The following GALNT12 variants were observed in gnomAD, a reference collection of about 807,000 sequenced individuals.
The protein encoded by GALNT12 is polypeptide N-acetylgalactosaminyltransferase 12, also known as UDP-GalNAc:polypeptide N-acetylgalactosaminyltransferase 12.
GALNT12 carries 45 observed loss-of-function variants against 55.5 expected under a neutral mutation model. The observed-to-expected ratio is 0.81, with a 90% confidence interval of 0.64 to 1.04. The LOEUF (loss-of-function observed/expected upper bound fraction) is 1.04. Among genes scored for constraint, GALNT12 ranks in the 50% least tolerant of loss-of-function variants. The pLI, the probability that GALNT12 is intolerant of heterozygous loss-of-function variation, is 0.00. For synonymous variants in GALNT12, 304 were observed against 312.2 expected (o/e 0.97, Z 0.28); for missense variants, 709 against 754.8 (o/e 0.94, Z 0.71).
At chr9:98,829,927 A>G (rs192690754) in intron 3 of GALNT12, among the ~76,000 whole-genome samples, 35 of 152,360 alleles carry the variant, frequency 2.3e-4, no homozygotes, top group South Asian at 4.1e-4. Context: ...TAGTGCTGCA[A>G]CAAACATGAG....
At chr9:98,817,875 A>T (rs1482494707) in intron 1 of GALNT12, among the ~76,000 whole-genome samples, 1 of 152,184 alleles carries the variant, frequency 6.6e-6, no homozygotes, top group East Asian at 1.9e-4. Context: ...TGGTGTTTGG[A>T]TGTGTCCACA....
chr9:98,815,717 A>G (rs557967235), intron 1 of GALNT12, among the ~76,000 whole-genome samples: 3 of 152,264 alleles, frequency 2.0e-5, no homozygotes, highest in Non-Finnish European at 4.4e-5. Flanking sequence ...TTTTAGGACA[A>G]TTTTAGAATG....
At position 98,823,425 on chromosome 9, in the gene GALNT12, G is replaced by C; in HGVS notation, c.541G>C (p.Glu181Gln). Residue 181 changes from glutamate (E) to glutamine (Q), a missense_variant and splice_region_variant, in exon 2 of 10, where the codon GAG becomes CAG. Coordinates refer to ENST00000375011, the MANE Select transcript of GALNT12 (RefSeq NM_024642.5). ...CCTTGTAGATGACTACAGTGATAGA[G>C]GTGAGTCCCGGCCAGGGCTCTGGGA... ...VILVDDYSDR[E>Q]HLKERLANEL... The C allele has an allele frequency of 1.2e-6, 2 of 1,613,830 alleles. No homozygotes were observed. The highest frequency in any genetic ancestry group is 1.1e-5 in the South Asian group (1 of 91,070).
intron 8 of GALNT12, 87 bp from the exon 9 acceptor site, chr9:98,845,890 C>G: frequency 6.9e-7 from 1 of 1,445,188 alleles, no homozygotes; most frequent in African/African-American, 1.4e-5. Flanking sequence ...CCCATGCTCT[C>G]GTGATCCCAG....
chr9:98,831,698 C>A (rs1053549648), intron 3 of GALNT12, 74 bp from the exon 4 acceptor site: 1 of 1,512,664 alleles, frequency 6.6e-7, no homozygotes, highest in Non-Finnish European at 9.2e-7. Flanking sequence ...AAGAATTCAC[C>A]CTTGAATTTC....
intron 4 of GALNT12, among the ~76,000 whole-genome samples, chr9:98,832,158 T>C (rs932899806): frequency 2.4e-4 from 36 of 152,256 alleles, no homozygotes; most frequent in Admixed American, 8.5e-4. Flanking sequence ...GTATATTTTA[T>C]TTATTTAATT....
chr9:98,834,140 T>C (rs1294324328), intron 4 of GALNT12, among the ~76,000 whole-genome samples: 1 of 151,798 alleles, frequency 6.6e-6, no homozygotes, highest in Non-Finnish European at 1.5e-5. Flanking sequence ...TTTTTTCAAG[T>C]TGGGGTCTCG....
At chr9:98,822,200 G>A (rs1263175202) in intron 1 of GALNT12, among the ~76,000 whole-genome samples, 1 of 152,212 alleles carries the variant, frequency 6.6e-6, no homozygotes, top group Non-Finnish European at 1.5e-5. Flanking sequence ...CCCCCTTCTT[G>A]AGTATCTAGC....
chr9:98,822,348 C>T (rs548521355), intron 1 of GALNT12, among the ~76,000 whole-genome samples: 3 of 152,342 alleles, frequency 2.0e-5, no homozygotes, highest in South Asian at 2.1e-4. Flanking sequence ...TAGTCAGTCC[C>T]GTGACACTGG....
At chr9:98,838,168 C>T (rs115254045) in intron 6 of GALNT12, among the ~76,000 whole-genome samples, 2,992 of 152,254 alleles carry the variant, frequency 0.02, 41 homozygotes, top group Middle Eastern at 0.034. Flanking sequence ...TTGTTAGCAC[C>T]CTGGAAGCTT....
At position 98,840,126 on chromosome 9, in the gene GALNT12, T is replaced by A; in HGVS notation, c.1337T>A (p.Phe446Tyr). ...LHVPEDRPGF[F>Y]GMLQNKGLTD... ...GTGCCTGAGGACAGGCCTGGCTTCT[T>A]CGGGATGGTGAGTGAGGGTGGTGGG... Residue 446 changes from phenylalanine (F) to tyrosine (Y), a missense_variant, in exon 7 of 10, where the codon TTC becomes TAC. Phe to Tyr is a conservative substitution (Grantham distance 22). Coordinates refer to ENST00000375011, the MANE Select transcript of GALNT12 (RefSeq NM_024642.5). The A allele has an allele frequency of 6.2e-7, 1 of 1,613,536 alleles. No individual in the cohort carries two copies.
chr9:98,815,172 A>G (rs1298468207), intron 1 of GALNT12, among the ~76,000 whole-genome samples: 2 of 152,254 alleles, frequency 1.3e-5, no homozygotes, highest in African/African-American at 4.8e-5. Flanking sequence ...AGACATTTCA[A>G]AAAGATATAC....
At chr9:98,838,303 G>A (rs1190574404) in intron 6 of GALNT12, among the ~76,000 whole-genome samples, 2 of 152,050 alleles carry the variant, frequency 1.3e-5, no homozygotes, top group South Asian at 2.1e-4. Context: ...CCCCCCCACC[G>A]CCAGCCTAAC....
chr9:98,835,323 G>T lies in GALNT12; in HGVS notation c.992G>T (p.Gly331Val). The change falls in exon 5 of 10, where the codon GGA becomes GTA. Residue 331 changes from glycine to valine, a missense_variant. Coordinates refer to ENST00000375011, the MANE Select transcript of GALNT12 (RefSeq NM_024642.5). Reference sequence around the variant, plus strand: ...GAATATCTGGGGTCTTATGATACAGGAATGGAAGTTTGGGGAGGAGAAAAC... The same window carrying T: ...GAATATCTGGGGTCTTATGATACAGTAATGGAAGTTTGGGGAGGAGAAAAC... ...YFEYLGSYDT[G>V]MEVWGGENLE... The T allele has an allele frequency of 6.2e-7, 1 of 1,613,888 alleles. No individual in the cohort carries two copies. Among genetic ancestry groups the T allele is most frequent in the South Asian group, 1.1e-5 (1 of 91,084 alleles).
At chr9:98,838,587 T>C (rs532299211) in intron 6 of GALNT12, among the ~76,000 whole-genome samples, 115 of 152,234 alleles carry the variant, frequency 7.6e-4, no homozygotes, top group South Asian at 2.1e-4. Context: ...TCCGGGACCA[T>C]TGTGGATGAG....
rs1282410187 is a variant in GALNT12 at position 98,849,313 on chromosome 9, A to G, written c.*221A>G. The G allele has an allele frequency of 4.8e-5, 29 of 605,644 alleles. No individual in the cohort carries two copies. The highest frequency in any genetic ancestry group is 8.8e-4 in the Middle Eastern group (2 of 2,282). The allele number at this position is 605,644 out of a possible 1,614,324, so 37.5% of individuals were successfully genotyped here. A position where few individuals can be genotyped will look rare whatever the true frequency, so the allele number is the denominator to read the frequency against. On this transcript the variant is annotated 3_prime_UTR_variant, in exon 10 of 10. Transcript: ENST00000375011. ...CTTTTTAAATGTTCCAAAATACCCT[A>G]TTTTCAAAGGGTAATCGTAAGATGT...
rs184800930 is a variant in GALNT12 at position 98,827,628 on chromosome 9, C to G, written c.731+687C>G. On this transcript the variant is annotated intron_variant, in intron 3 of 9. Transcript: ENST00000375011. Reference sequence around the variant, plus strand: ...AGCAGGGCTGACTTAACCCTTACACCCAGGAGGAACAATGCCTAGGGCCCA... The same window carrying G: ...AGCAGGGCTGACTTAACCCTTACACGCAGGAGGAACAATGCCTAGGGCCCA... Among the ~76,000 whole-genome samples, 3 of 152,204 alleles carry G rather than the reference C, an allele frequency of 2.0e-5. No homozygotes were observed. In the East Asian group the frequency reaches 5.8e-4, roughly 29 times the overall value.
At chr9:98,828,666 A>G (rs1375907097) in intron 3 of GALNT12, among the ~76,000 whole-genome samples, 2 of 152,142 alleles carry the variant, frequency 1.3e-5, no homozygotes, top group African/African-American at 4.8e-5. Flanking sequence ...AAAAATTTAT[A>G]TTTTAATTTT....
At chr9:98,832,094 A>T (rs989421454) in intron 4 of GALNT12, 137 bp downstream of exon 4, 2 of 740,402 alleles carry the variant, frequency 2.7e-6, no homozygotes, top group African/African-American at 3.5e-5. Context: ...TTTTGCCCAG[A>T]GTATTTGTTT....
Sources: allele counts gnomAD v4.1 joint callset (sites outside exome capture counted in the v4.1 genomes callset), GRCh38; gene constraint gnomAD v4.1.1; transcripts MANE v1.5; gene names NCBI Gene and HGNC (gene_info 2026-07-23, HGNC 2026-07-21).